ARHGAP12: variants seen among roughly 807,000 people sequenced by gnomAD.
ARHGAP12 encodes the protein rho GTPase-activating protein 12.
In ARHGAP12, 64 loss-of-function variants were observed where a neutral mutation model predicts 108.6. The observed-to-expected ratio is 0.59, with a 90% confidence interval of 0.48 to 0.73. The LOEUF is 0.73. ARHGAP12 is among the 30% of genes least tolerant of loss of function. The probability of loss-of-function intolerance (pLI) is 0.00; values close to 1 mark genes in which losing one functional copy is unlikely to be tolerated. For missense variants in ARHGAP12, 940 were observed against 1,005.9 expected, an observed-to-expected ratio of 0.93 and a Z score of 0.89; for synonymous variants, 312 against 337.2, an observed-to-expected ratio of 0.93 and a Z score of 0.82.
intron 11 of ARHGAP12, among the ~76,000 whole-genome samples, chr10:31,821,618 C>T (rs1296321675): frequency 6.6e-6 from 1 of 152,118 alleles, no homozygotes; most frequent in Non-Finnish European, 1.5e-5. Flanking sequence ...TAACTCTATT[C>T]AGGAGCTTCA....
intron 4 of ARHGAP12, among the ~76,000 whole-genome samples, chr10:31,860,400 C>G (rs745909559): frequency 8.5e-5 from 13 of 152,184 alleles, no homozygotes; most frequent in Non-Finnish European, 1.3e-4. Flanking sequence ...CCAATCCTAC[C>G]AAGTTACTCC....
intron 3 of ARHGAP12, among the ~76,000 whole-genome samples, chr10:31,876,830 C>T (rs1435771110): frequency 6.6e-6 from 1 of 152,210 alleles, no homozygotes; most frequent in African/African-American, 2.4e-5. Context: ...GTTTGTTTTT[C>T]AAGGTCTTGA....
chr10:31,903,485 C>T (rs1398948439), intron 3 of ARHGAP12, among the ~76,000 whole-genome samples: 4 of 152,120 alleles, frequency 2.6e-5, no homozygotes, highest in Non-Finnish European at 5.9e-5. Context: ...AGTTCTTATA[C>T]TTGATATAAA....
rs1057325721 is a variant in ARHGAP12, at chr10:31,837,697, T to C, written c.1386+1608A>G. Among the ~76,000 whole-genome samples, 6 of 152,256 alleles carry C rather than the reference T, an allele frequency of 3.9e-5. No individual in the cohort carries two copies. In the East Asian group the frequency reaches 1.2e-3, roughly 29 times the overall value. ...CTGATTAGTGCCAAAAAGACCAGATTGCACTAGGGAATGGAGAAAGAGTTA... is the reference window on the plus strand; with the variant it reads ...CTGATTAGTGCCAAAAAGACCAGATCGCACTAGGGAATGGAGAAAGAGTTA... On this transcript the variant is annotated intron_variant, in intron 9 of 19. Coordinates refer to ENST00000344936, the MANE Select transcript of ARHGAP12 (RefSeq NM_018287.7).
At chr10:31,885,511 G>A (rs894650274) in intron 3 of ARHGAP12, among the ~76,000 whole-genome samples, 4 of 151,938 alleles carry the variant, frequency 2.6e-5, no homozygotes, top group African/African-American at 9.7e-5. Context: ...GAATTCCACT[G>A]TTATGCTATA....
rs1838181605 is a variant in ARHGAP12 at position 31,886,181 on chromosome 10, C to T, written c.684+21991G>A. ...CAACAAAAATGCAAAAAATTTTCCA[C>T]ATCTGTTGTTTTTGTTGATATGTCA... On this transcript the variant is annotated intron_variant, in intron 3 of 19. Coordinates refer to ENST00000344936, the MANE Select transcript of ARHGAP12 (RefSeq NM_018287.7). Among the ~76,000 whole-genome samples, 3 of 152,212 alleles carry T rather than the reference C, an allele frequency of 2.0e-5. No homozygotes were observed. In the South Asian group the frequency reaches 6.2e-4, roughly 31 times the overall value.
intron 6 of ARHGAP12, among the ~76,000 whole-genome samples, chr10:31,847,664 C>T (rs1836512011): frequency 6.6e-6 from 1 of 152,080 alleles, no homozygotes; most frequent in Non-Finnish European, 1.5e-5. Context: ...TGCCTTGTTG[C>T]TGTTGTCCAT....
intron 11 of ARHGAP12, among the ~76,000 whole-genome samples, chr10:31,823,357 G>C (rs1456490496): frequency 6.6e-6 from 1 of 151,818 alleles, no homozygotes; most frequent in East Asian, 1.9e-4. Flanking sequence ...TCCTAGAGAA[G>C]AAAAGGCTCA....
chr10:31,809,021 G>T lies in ARHGAP12; in HGVS notation c.2236C>A (p.His746Asn). The change falls in exon 18 of 20, where the codon CAT (histidine) becomes AAT (asparagine). Residue 746 changes from histidine to asparagine, a missense_variant. By Grantham distance (68) the His-to-Asn change is moderately conservative. Transcript: ENST00000344936. ...ELPEPLFTFNHFNDFVNAIKQ... is the reference protein window; with the variant it reads ...ELPEPLFTFNNFNDFVNAIKQ... ...ATTGCATTAACAAAATCATTAAAAT[G>T]ATTAAATGTAAAAAGAGGTTCTGGT... The T allele has an allele frequency of 6.3e-7, 1 of 1,590,142 alleles. No homozygotes were observed. The highest frequency in any genetic ancestry group is 1.3e-5 in the African/African-American group (1 of 74,264).
chr10:31,865,443 T>C (rs1352655969), intron 3 of ARHGAP12, among the ~76,000 whole-genome samples: 3 of 151,940 alleles, frequency 2.0e-5, no homozygotes, highest in East Asian at 3.9e-4. Flanking sequence ...AATGTCAAGA[T>C]GAAGAAAAGA....
chr10:31,821,486 T>G (rs1835415109), intron 11 of ARHGAP12, among the ~76,000 whole-genome samples: 1 of 152,210 alleles, frequency 6.6e-6, no homozygotes, highest in Non-Finnish European at 1.5e-5. Flanking sequence ...CATAAAAATC[T>G]GTTATAAATA....
At chr10:31,912,900 T>C (rs1287608698) in intron 1 of ARHGAP12, among the ~76,000 whole-genome samples, 1 of 152,250 alleles carries the variant, frequency 6.6e-6, no homozygotes, top group Non-Finnish European at 1.5e-5. Flanking sequence ...AAATTATTCA[T>C]TCAGAAACAA....
At chr10:31,809,590 C>T (rs989413312) in intron 16 of ARHGAP12, 1 of 250,668 alleles carries the variant, frequency 4.0e-6, no homozygotes, top group African/African-American at 2.3e-5. Context: ...AAAACACTAA[C>T]AATTTCAAAT....
intron 10 of ARHGAP12, among the ~76,000 whole-genome samples, chr10:31,827,367 A>G (rs1379849922): frequency 1.3e-5 from 2 of 152,218 alleles, no homozygotes; most frequent in Non-Finnish European, 2.9e-5. Context: ...ATCAGTGTTT[A>G]CAAGTAGGAA....
At chr10:31,900,720 T>C (rs1838882639) in intron 3 of ARHGAP12, among the ~76,000 whole-genome samples, 1 of 152,192 alleles carries the variant, frequency 6.6e-6, no homozygotes, top group Admixed American at 6.5e-5. Flanking sequence ...ACAGAGGATG[T>C]TAAGGTAGTA....
chr10:31,854,232 T>C, intron 4 of ARHGAP12, 26 bp from the exon 5 acceptor site: 1 of 1,568,928 alleles, frequency 6.4e-7, no homozygotes, highest in Non-Finnish European at 8.6e-7. Flanking sequence ...AACATAAGGA[T>C]TTTTCTTTTT....
chr10:31,910,060 A>T (rs970971906), intron 2 of ARHGAP12, among the ~76,000 whole-genome samples: 1 of 152,100 alleles, frequency 6.6e-6, no homozygotes, highest in African/African-American at 2.4e-5. Context: ...GTGAGGAAGG[A>T]AGGGTTCTCC....
intron 3 of ARHGAP12, among the ~76,000 whole-genome samples, chr10:31,904,896 G>A (rs1431653296): frequency 6.6e-6 from 1 of 152,084 alleles, no homozygotes; most frequent in Non-Finnish European, 1.5e-5. Context: ...CAAAAGTGCT[G>A]GGATTACAAG....
intron 3 of ARHGAP12, among the ~76,000 whole-genome samples, chr10:31,881,976 T>C (rs866732916): frequency 6.6e-6 from 1 of 150,416 alleles, no homozygotes; most frequent in African/African-American, 2.5e-5. Context: ...GTGCAGTGGC[T>C]GGATCTCGGC....
Sources: allele counts gnomAD v4.1 joint callset (sites outside exome capture counted in the v4.1 genomes callset), GRCh38; gene constraint gnomAD v4.1.1; transcripts MANE v1.5; gene names NCBI Gene and HGNC (gene_info 2026-07-23, HGNC 2026-07-21).